The following COL23A1 variants were observed in gnomAD, a reference collection of about 807,000 sequenced individuals.
The protein encoded by COL23A1 is collagen type XXIII alpha 1 chain.
In COL23A1, 97 loss-of-function variants were observed where a neutral mutation model predicts 99.3. That is an observed-to-expected ratio of 0.98 (90% CI 0.83 to 1.16). The LOEUF (loss-of-function observed/expected upper bound fraction) is 1.16, where lower values mean the gene tolerates loss of function less well. COL23A1 is among the 50% of genes most tolerant of loss of function. The probability of loss-of-function intolerance (pLI) is 0.00; values close to 1 mark genes in which losing one functional copy is unlikely to be tolerated. For missense variants in COL23A1, 762 were observed against 757.4 expected (o/e 1.01, Z -0.07); for synonymous variants, 320 against 308.2 (o/e 1.04, Z -0.40).
At chr5:178,286,526 G>A (rs183475829) in intron 5 of COL23A1, among the ~76,000 whole-genome samples, 39 of 152,324 alleles carry the variant, frequency 2.6e-4, no homozygotes, top group Non-Finnish European at 4.0e-4. Flanking sequence ...CAGCAGCCCC[G>A]GGTTTGGCCT....
At chr5:178,363,658 C>T (rs1327227127) in intron 2 of COL23A1, among the ~76,000 whole-genome samples, 2 of 152,204 alleles carry the variant, frequency 1.3e-5, no homozygotes, top group Non-Finnish European at 2.9e-5. Context: ...AGGAGCGCCC[C>T]GTCACTCGGC....
chr5:178,532,515 C>T (rs1760703840), intron 2 of COL23A1, among the ~76,000 whole-genome samples: 1 of 152,162 alleles, frequency 6.6e-6, no homozygotes, highest in African/African-American at 2.4e-5. Flanking sequence ...TGGCACTTCA[C>T]TCGAGTCAAA....
intron 2 of COL23A1, among the ~76,000 whole-genome samples, chr5:178,363,585 G>A (rs1469036980): frequency 2.0e-5 from 3 of 152,180 alleles, no homozygotes; most frequent in Admixed American, 6.5e-5. Flanking sequence ...GGACGTTTTG[G>A]TCAGCACCCA....
At chr5:178,559,834 G>A (rs867980775) in intron 2 of COL23A1, among the ~76,000 whole-genome samples, 128 of 141,822 alleles carry the variant, frequency 9.0e-4, no homozygotes, top group African/African-American at 3.4e-3. Flanking sequence ...TTCCCTGCAC[G>A]TCGAGAAGTC....
chr5:178,307,536 G>C lies in COL23A1; in HGVS notation c.362-617C>G, dbSNP rs573609137. Among the ~76,000 whole-genome samples the C allele has an allele frequency of 6.6e-6, 1 of 152,154 alleles. No individual in the cohort carries two copies. The highest frequency in any genetic ancestry group is 1.5e-5 in the Non-Finnish European group (1 of 68,022). ...CTGTCCACGTCTGTCCTCCATCCGC[G>C]CGCTATAAGCCCTTCTGAATTTACG... On this transcript the variant is annotated intron_variant, in intron 2 of 28. Transcript: ENST00000390654. This position sits in a 1 kb window ranked among gnomAD's most constrained non-coding sequence, Gnocchi z 4.2.
intron 2 of COL23A1, among the ~76,000 whole-genome samples, chr5:178,346,321 C>T (rs894648100): frequency 4.6e-5 from 7 of 152,100 alleles, no homozygotes; most frequent in Non-Finnish European, 7.4e-5. Context: ...GCAACCTCCA[C>T]CTCCCAGGTT....
chr5:178,239,902 C>T (rs911519631), intron 27 of COL23A1, among the ~76,000 whole-genome samples: 4 of 152,102 alleles, frequency 2.6e-5, no homozygotes, highest in Non-Finnish European at 5.9e-5. Context: ...TGCTGAGAGC[C>T]GTGTGGCTTC....
At chr5:178,391,094 G>A (rs565308330) in intron 2 of COL23A1, among the ~76,000 whole-genome samples, 8 of 152,244 alleles carry the variant, frequency 5.3e-5, no homozygotes, top group East Asian at 1.9e-4. Flanking sequence ...GATCAGCAGC[G>A]GCATCAGATT....
chr5:178,576,909 G>T (rs1324394235), intron 1 of COL23A1, among the ~76,000 whole-genome samples: 3 of 151,768 alleles, frequency 2.0e-5, no homozygotes, highest in Admixed American at 6.6e-5. Flanking sequence ...GCAGCGCGGC[G>T]CTGGCCGCTC....
At chr5:178,328,542 T>C (rs11740086) in intron 2 of COL23A1, among the ~76,000 whole-genome samples, 46,773 of 152,198 alleles carry the variant, frequency 0.31, 8,951 homozygotes, top group Middle Eastern at 0.47. Flanking sequence ...GAAATGGGTC[T>C]ATTCATGGCT....
At position 178,313,311 on chromosome 5, in the gene COL23A1, A is replaced by T. The variant is rs1294949953; in HGVS notation, c.362-6392T>A. Among the ~76,000 whole-genome samples the T allele has an allele frequency of 6.6e-6, 1 of 152,164 alleles. No individual in the cohort carries two copies. Among genetic ancestry groups the T allele is most frequent in the Non-Finnish European group, 1.5e-5 (1 of 68,030 alleles). Reference sequence around the variant, plus strand: ...TGACAATGTGAACATACTGAATGCCACTCAAGTGTACACTTAAGGATGGTT... The same window carrying T: ...TGACAATGTGAACATACTGAATGCCTCTCAAGTGTACACTTAAGGATGGTT... On this transcript the variant is annotated intron_variant, in intron 2 of 28. Coordinates refer to ENST00000390654, the MANE Select transcript of COL23A1 (RefSeq NM_173465.4). The surrounding 1 kb of genome is among the most constrained non-coding windows in gnomAD (Gnocchi z 4.2).
chr5:178,581,672 C>T (rs1763667702), intron 1 of COL23A1, among the ~76,000 whole-genome samples: 1 of 152,104 alleles, frequency 6.6e-6, no homozygotes, highest in African/African-American at 2.4e-5. Flanking sequence ...ACTTTCCCCT[C>T]AAAACCACTG....
chr5:178,573,644 A>AAT (rs1323120023), intron 1 of COL23A1, among the ~76,000 whole-genome samples: 2 of 152,244 alleles, frequency 1.3e-5, no homozygotes, highest in Non-Finnish European at 2.9e-5. Flanking sequence ...TTTTGTAGAA[A>AAT]ATATTCACAG....
chr5:178,490,557 C>T (rs1432312210), intron 2 of COL23A1, among the ~76,000 whole-genome samples: 1 of 151,924 alleles, frequency 6.6e-6, no homozygotes, highest in African/African-American at 2.4e-5. Context: ...GTACTTAATG[C>T]CACTGAGCTG....
At chr5:178,394,793 G>T (rs1005692045) in intron 2 of COL23A1, among the ~76,000 whole-genome samples, 9 of 152,232 alleles carry the variant, frequency 5.9e-5, no homozygotes, top group African/African-American at 2.2e-4. Flanking sequence ...CAAGGCCCTG[G>T]GTCTCGGGCA....
chr5:178,294,332 C>T (rs1233146759), intron 3 of COL23A1, among the ~76,000 whole-genome samples: 28 of 39,174 alleles, frequency 7.1e-4, no homozygotes, highest in African/African-American at 1.5e-3. Flanking sequence ...AAATCACTAC[C>T]GAGCTCCCTC....
chr5:178,440,520 C>T (rs746635243), intron 2 of COL23A1, among the ~76,000 whole-genome samples: 2 of 152,168 alleles, frequency 1.3e-5, no homozygotes, highest in African/African-American at 2.4e-5. Flanking sequence ...ATCAACTGTG[C>T]TCTAACCAGT....
At position 178,426,994 on chromosome 5, in the gene COL23A1, C is replaced by T. The variant is rs1463393991; in HGVS notation, c.362-120075G>A. ...GGTGGATCACTTGAGGTTAGGAGTG[C>T]GAGACCAGCCTGGCCATTATGGTGA... On this transcript the variant is annotated intron_variant, in intron 2 of 28. Coordinates refer to ENST00000390654, the MANE Select transcript of COL23A1 (RefSeq NM_173465.4). 5.3e-5 allele frequency among the ~76,000 whole-genome samples: 8 copies of T among 152,250 alleles called. No homozygotes were observed. The East Asian group carries it at 1.2e-3, about 22-fold the overall frequency.
At chr5:178,296,988 C>A (rs1757782380) in intron 3 of COL23A1, among the ~76,000 whole-genome samples, 1 of 152,218 alleles carries the variant, frequency 6.6e-6, no homozygotes, top group South Asian at 2.1e-4. Context: ...TCCAGGGCTT[C>A]CCACGGCACA....
Sources: allele counts gnomAD v4.1 joint callset (sites outside exome capture counted in the v4.1 genomes callset), GRCh38; gene constraint gnomAD v4.1.1; non-coding constraint Gnocchi (gnomAD v3.1); transcripts MANE v1.5; gene names NCBI Gene and HGNC (gene_info 2026-07-23, HGNC 2026-07-21).